Variants in SAMD4A observed in about 807,000 individuals in gnomAD.
SAMD4A encodes protein Smaug homolog 1.
SAMD4A carries 33 observed loss-of-function variants against 81.3 expected under a neutral mutation model. That is an observed-to-expected ratio of 0.41 (90% CI 0.31 to 0.54). The LOEUF is 0.54. Among genes scored for constraint, SAMD4A ranks in the 20% least tolerant of loss-of-function variants. The pLI is 0.37. For missense variants in SAMD4A, 854 were observed against 951.1 expected (o/e 0.90, Z 1.34); for synonymous variants, 389 against 382.1 (o/e 1.02, Z -0.21).
intron 2 of SAMD4A, among the ~76,000 whole-genome samples, chr14:54,658,869 G>C (rs1232470736): frequency 1.3e-5 from 2 of 152,282 alleles, no homozygotes; most frequent in African/African-American, 4.8e-5. Context: ...CTGAGGATTC[G>C]AGCATGCCCG....
chr14:54,789,049 C>CT lies in SAMD4A; in HGVS notation c.*111dup, dbSNP rs1555355197. The stretch of plus-strand genomic sequence containing the variant: ...AGAATCCTCCAAGATACTTTGCAGC[C>CT]TTTTTTCCCCCTGGTCCCTCTCCCG... On this transcript the variant is annotated 3_prime_UTR_variant, in exon 13 of 13. Coordinates refer to ENST00000554335, the MANE Select transcript of SAMD4A (RefSeq NM_015589.6). The CT allele has an allele frequency of 5.3e-6, 7 of 1,308,914 alleles. No individual in the cohort carries two copies. In the Admixed American group the frequency reaches 6.8e-5, roughly 13 times the overall value. 81.1% of individuals were successfully genotyped at this position (1,308,914 alleles called of 1,614,324 possible).
chr14:54,763,936 GGAGT>G (rs138348811), intron 7 of SAMD4A, among the ~76,000 whole-genome samples: 3,496 of 152,308 alleles, frequency 0.023, 66 homozygotes, highest in Middle Eastern at 0.078. Context: ...AACCCTCTGA[GGAGT>G]GAGTAGCAGG....
chr14:54,659,824 T>C lies in SAMD4A; in HGVS notation c.197-42238T>C, dbSNP rs540887232. On this transcript the variant is annotated intron_variant, in intron 2 of 12. Transcript: ENST00000554335. ...TGGCCAACCTCAGAACCCTGTACAA[T>C]AGCACACCCAGAGACAGAGTTTTGG... 1.6e-4 allele frequency among the ~76,000 whole-genome samples: 24 copies of C among 152,282 alleles called. No individual in the cohort carries two copies. In the East Asian group the frequency reaches 3.7e-3, roughly 23 times the overall value.
intron 9 of SAMD4A, 117 bp downstream of exon 9, chr14:54,770,339 C>T: frequency 1.4e-6 from 1 of 719,398 alleles, no homozygotes; most frequent in Non-Finnish European, 2.4e-6. Flanking sequence ...CGAAGATGCC[C>T]TGTGGCGAGT....
intron 3 of SAMD4A, among the ~76,000 whole-genome samples, chr14:54,720,195 G>A (rs2037225600): frequency 1.3e-5 from 2 of 151,854 alleles, no homozygotes; most frequent in Admixed American, 1.3e-4. Flanking sequence ...TCTTTTTAAG[G>A]TTCCTTTTTG....
intron 11 of SAMD4A, chr14:54,784,267 G>A (rs1025847044): frequency 2.3e-5 from 28 of 1,225,794 alleles, no homozygotes; most frequent in Non-Finnish European, 3.1e-5. Context: ...ATGGGAGGCC[G>A]CTGGAGGGTT....
chr14:54,701,737 G>T (rs555181937), intron 2 of SAMD4A, among the ~76,000 whole-genome samples: 8 of 152,312 alleles, frequency 5.3e-5, no homozygotes, highest in African/African-American at 1.9e-4. Flanking sequence ...TGTCTATCAG[G>T]GGGTAGGCTA....
At chr14:54,781,436 G>A (rs182853026) in intron 11 of SAMD4A, among the ~76,000 whole-genome samples, 19 of 152,300 alleles carry the variant, frequency 1.2e-4, no homozygotes, top group African/African-American at 4.1e-4. Flanking sequence ...TACTCCATAC[G>A]TGTGGGACTT....
intron 2 of SAMD4A, among the ~76,000 whole-genome samples, chr14:54,658,975 CTG>C (rs2140456835): frequency 6.6e-6 from 1 of 152,330 alleles, no homozygotes; most frequent in Admixed American, 6.5e-5. Flanking sequence ...CCTGGCCTCT[CTG>C]AGATTCAGTT....
At chr14:54,635,852 A>C (rs974376582) in intron 2 of SAMD4A, among the ~76,000 whole-genome samples, 2 of 152,188 alleles carry the variant, frequency 1.3e-5, no homozygotes, top group Non-Finnish European at 2.9e-5. Context: ...TTTGCATACC[A>C]CAGCCCAGCA....
chr14:54,641,273 A>G (rs1480541268), intron 2 of SAMD4A, among the ~76,000 whole-genome samples: 1 of 152,250 alleles, frequency 6.6e-6, no homozygotes, highest in African/African-American at 2.4e-5. Context: ...CAGTAAAGGC[A>G]TTATCATCAG....
chr14:54,691,063 G>A (rs1218118841), intron 2 of SAMD4A, among the ~76,000 whole-genome samples: 8 of 152,132 alleles, frequency 5.3e-5, no homozygotes, highest in Admixed American at 1.3e-4. Context: ...CAGCCCACAG[G>A]CCTGCCTGCA....
At chr14:54,764,592 G>A in intron 8 of SAMD4A, 52 bp downstream of exon 8, 3 of 1,199,470 alleles carry the variant, frequency 2.5e-6, no homozygotes, top group Non-Finnish European at 3.6e-6. Flanking sequence ...GCTTAGAAAT[G>A]GTTCTCAGAG....
intron 2 of SAMD4A, chr14:54,685,781 C>G (rs1458812939): frequency 4.4e-6 from 2 of 456,698 alleles, no homozygotes; most frequent in Admixed American, 4.7e-5. Flanking sequence ...TCCCTTCCAT[C>G]TCCAGAATTC....
At chr14:54,788,204 AT>A (rs1226753042) in intron 12 of SAMD4A, among the ~76,000 whole-genome samples, 1 of 152,188 alleles carries the variant, frequency 6.6e-6, no homozygotes, top group Non-Finnish European at 1.5e-5. Flanking sequence ...AGATGTGTCC[AT>A]CCCTCTGGTC....
chr14:54,738,860 A>G (rs1382405105), intron 4 of SAMD4A, among the ~76,000 whole-genome samples: 1 of 152,078 alleles, frequency 6.6e-6, no homozygotes, highest in African/African-American at 2.4e-5. Flanking sequence ...TGTTTCCAAG[A>G]AAGCCTGTGT....
chr14:54,695,287 T>G (rs973521506), intron 2 of SAMD4A, among the ~76,000 whole-genome samples: 1 of 152,180 alleles, frequency 6.6e-6, no homozygotes, highest in Non-Finnish European at 1.5e-5. Context: ...TGCCTTAAGG[T>G]CTCCAACAAA....
At chr14:54,597,733 G>A (rs2033950088) in intron 2 of SAMD4A, among the ~76,000 whole-genome samples, 1 of 151,784 alleles carries the variant, frequency 6.6e-6, no homozygotes, top group African/African-American at 2.4e-5. Context: ...GGGACTATAG[G>A]CATATGCCAC....
At chr14:54,621,056 G>A (rs1271119523) in intron 2 of SAMD4A, among the ~76,000 whole-genome samples, 1 of 152,204 alleles carries the variant, frequency 6.6e-6, no homozygotes, top group Non-Finnish European at 1.5e-5. Flanking sequence ...ATAGGCATGA[G>A]AGCCACTGAC....
Sources: allele counts gnomAD v4.1 joint callset (sites outside exome capture counted in the v4.1 genomes callset), GRCh38; gene constraint gnomAD v4.1.1; transcripts MANE v1.5; gene names NCBI Gene and HGNC (gene_info 2026-07-23, HGNC 2026-07-21).